Variants in ARHGAP15 observed in about 807,000 individuals in gnomAD.
ARHGAP15 encodes rho GTPase-activating protein 15.
In ARHGAP15, 51 loss-of-function variants were observed where a neutral mutation model predicts 63.7. The ratio of observed to expected loss-of-function variants is 0.80; its 90% CI spans 0.64 to 1.01. ARHGAP15 has a LOEUF of 1.01. Among genes scored for constraint, ARHGAP15 ranks in the 50% least tolerant of loss-of-function variants. ARHGAP15 has a pLI of 0.00. For missense variants in ARHGAP15, 560 were observed against 564.6 expected (o/e 0.99, Z 0.08); for synonymous variants, 191 against 193.8 (o/e 0.99, Z 0.12).
chr2:143,362,941 G>A (rs776977013), intron 6 of ARHGAP15, among the ~76,000 whole-genome samples: 4 of 152,138 alleles, frequency 2.6e-5, no homozygotes, highest in African/African-American at 2.4e-5. Context: ...CCATACTTAT[G>A]TTCTAACTCT....
intron 6 of ARHGAP15, among the ~76,000 whole-genome samples, chr2:143,310,185 C>T (rs577101511): frequency 1.3e-5 from 2 of 151,924 alleles, no homozygotes; most frequent in African/African-American, 4.8e-5. Flanking sequence ...TTTTTGTTTA[C>T]AGTATTACTG....
At chr2:143,663,681 C>T (rs1681970034) in intron 12 of ARHGAP15, among the ~76,000 whole-genome samples, 2 of 152,058 alleles carry the variant, frequency 1.3e-5, no homozygotes, top group African/African-American at 2.4e-5. Flanking sequence ...ATCTCATGTG[C>T]AGAGACACAT....
At chr2:143,316,532 A>G (rs967813227) in intron 6 of ARHGAP15, among the ~76,000 whole-genome samples, 4 of 144,990 alleles carry the variant, frequency 2.8e-5, no homozygotes. Flanking sequence ...TAAAATATAT[A>G]TAACATATAT....
At chr2:143,179,614 G>A (rs984355578) in intron 2 of ARHGAP15, among the ~76,000 whole-genome samples, 6 of 152,172 alleles carry the variant, frequency 3.9e-5, no homozygotes, top group African/African-American at 9.7e-5. Context: ...TGAGCCAAGC[G>A]TGATGGCTCA....
intron 6 of ARHGAP15, among the ~76,000 whole-genome samples, chr2:143,421,901 G>A (rs149016724): frequency 6.6e-6 from 1 of 151,702 alleles, no homozygotes; most frequent in African/African-American, 2.4e-5. Context: ...AAGAGAAAGG[G>A]GGGGAGAGAG....
intron 5 of ARHGAP15, among the ~76,000 whole-genome samples, chr2:143,241,015 T>C (rs955623935): frequency 1.3e-5 from 2 of 152,162 alleles, no homozygotes; most frequent in Non-Finnish European, 2.9e-5. Flanking sequence ...CTCAGAAAAC[T>C]GTTTTAATTA....
chr2:143,751,755 T>C (rs1026502454), intron 13 of ARHGAP15, among the ~76,000 whole-genome samples: 6 of 152,156 alleles, frequency 3.9e-5, no homozygotes, highest in African/African-American at 1.4e-4. Flanking sequence ...ATTTCTGCCC[T>C]GTTAATGCCC....
intron 8 of ARHGAP15, among the ~76,000 whole-genome samples, chr2:143,459,250 T>G (rs1008600665): frequency 5.3e-5 from 8 of 151,978 alleles, no homozygotes; most frequent in Admixed American, 2.6e-4. Flanking sequence ...TGCAAAGATT[T>G]GTTTTTGCCA....
intron 6 of ARHGAP15, among the ~76,000 whole-genome samples, chr2:143,321,667 A>C (rs934925931): frequency 4.6e-5 from 7 of 152,384 alleles, no homozygotes; most frequent in South Asian, 2.1e-4. Flanking sequence ...GAAGGAGTGC[A>C]AGTTAGCTAG....
chr2:143,576,679 A>C (rs1696693872), intron 11 of ARHGAP15, among the ~76,000 whole-genome samples: 2 of 152,148 alleles, frequency 1.3e-5, no homozygotes, highest in South Asian at 4.1e-4. Flanking sequence ...CAGAAGAATC[A>C]GAAGAAGGGA....
rs869303277 is a variant in ARHGAP15 at position 143,552,563 on chromosome 2, C to CG, written c.926-3841dup. 4.7e-3 allele frequency among the ~76,000 whole-genome samples: 622 copies of CG among 131,498 alleles called. 3 individuals carry two copies. The highest frequency in any genetic ancestry group is 0.013 in the African/African-American group (429 of 32,536). 86.3% of individuals were successfully genotyped at this position (131,498 alleles called of 152,430 possible). A position where few individuals can be genotyped will look rare whatever the true frequency, so the allele number is the denominator to read the frequency against. On this transcript the variant is annotated intron_variant, in intron 10 of 13. Transcript: ENST00000295095. ...AAGCTTCTTCAGGAGAAAAAAAAGT[C>CG]GGGGTGGGGAGGCAGGGGAAGACTT...
At chr2:143,330,114 A>T (rs1434505042) in intron 6 of ARHGAP15, among the ~76,000 whole-genome samples, 1 of 88,916 alleles carries the variant, frequency 1.1e-5, no homozygotes, top group Admixed American at 1.4e-4. Context: ...AAAAAAAAAA[A>T]AAAAAAAAAA....
intron 13 of ARHGAP15, among the ~76,000 whole-genome samples, chr2:143,705,276 C>T (rs1027481917): frequency 3.3e-5 from 5 of 152,120 alleles, no homozygotes; most frequent in Non-Finnish European, 7.4e-5. Flanking sequence ...AAATCTCTTA[C>T]TATTAGAGTG....
chr2:143,399,755 T>G (rs1055791643), intron 6 of ARHGAP15, among the ~76,000 whole-genome samples: 4 of 151,960 alleles, frequency 2.6e-5, no homozygotes, highest in African/African-American at 9.7e-5. Flanking sequence ...CGGGTCTGCC[T>G]AGGGCTTTTC....
chr2:143,763,170 T>A (rs1282831169), intron 13 of ARHGAP15, among the ~76,000 whole-genome samples: 1 of 151,928 alleles, frequency 6.6e-6, no homozygotes, highest in Non-Finnish European at 1.5e-5. Flanking sequence ...TAAAAAAAAA[T>A]AGGTAATAAT....
Position 143,735,989 on chromosome 2 carries a change from T to C in ARHGAP15, c.1245-32000T>C, listed in dbSNP as rs143476404. On this transcript the variant is annotated intron_variant, in intron 13 of 13. Transcript: ENST00000295095. The stretch of plus-strand genomic sequence containing the variant: ...AATATCAAAGTACTATCCATCCATC[T>C]GTGCATTTCTTCATCCATGTAACAC... 2.8e-3 allele frequency among the ~76,000 whole-genome samples: 427 copies of C among 152,364 alleles called. 2 individuals carry two copies. The highest frequency in any genetic ancestry group is 4.3e-3 in the Non-Finnish European group (291 of 68,030).
At chr2:143,219,407 A>G (rs1692897349) in intron 4 of ARHGAP15, among the ~76,000 whole-genome samples, 2 of 152,198 alleles carry the variant, frequency 1.3e-5, no homozygotes, top group African/African-American at 4.8e-5. Context: ...CTCAGAATAT[A>G]TCCTCATCAT....
intron 13 of ARHGAP15, among the ~76,000 whole-genome samples, chr2:143,754,428 C>T (rs1255743456): frequency 3.3e-5 from 5 of 152,094 alleles, no homozygotes; most frequent in African/African-American, 1.2e-4. Flanking sequence ...AGTCATCATC[C>T]CCAACTTCCA....
Position 143,224,782 on chromosome 2 carries a change from T to C in ARHGAP15, c.297-3799T>C, listed in dbSNP as rs373114482. The stretch of plus-strand genomic sequence containing the variant: ...ACAATGCCTTACGAGAGAGTCACTA[T>C]GTTAAAGTAATTGGGTGAGAAAGCT... On this transcript the variant is annotated intron_variant, in intron 4 of 13. Coordinates refer to ENST00000295095, the MANE Select transcript of ARHGAP15 (RefSeq NM_018460.4). Among the ~76,000 whole-genome samples, 4 of 152,326 alleles carry C rather than the reference T, an allele frequency of 2.6e-5. No individual in the cohort carries two copies. In the South Asian group the frequency reaches 8.3e-4, roughly 32 times the overall value.
Sources: gnomAD v4.1 joint callset for allele counts (sites outside exome capture counted in the v4.1 genomes callset) on GRCh38, gnomAD v4.1.1 for gene constraint, MANE v1.5 for transcripts, NCBI Gene and HGNC (gene_info 2026-07-23, HGNC 2026-07-21) for gene names.